The following ARPC3 variants were observed in gnomAD, a reference collection of about 807,000 sequenced individuals.
ARPC3 encodes the protein actin related protein 2/3 complex subunit 3, also known as actin-related protein 2/3 complex subunit 3.
In ARPC3, 12 loss-of-function variants were observed where a neutral mutation model predicts 27.6. The ratio of observed to expected loss-of-function variants is 0.43; its 90% confidence interval spans 0.28 to 0.70. The LOEUF is 0.70. Ranked by LOEUF, ARPC3 falls within the 30% of genes least tolerant of loss-of-function variation. ARPC3 has a pLI of 0.17. For missense variants in ARPC3, 153 were observed against 207.7 expected (o/e 0.74, Z 1.62); for synonymous variants, 53 against 67.2 (o/e 0.79, Z 1.03).
In ARPC3 at chr12:110,435,003, C is replaced by T; in HGVS notation, c.*152G>A. ...CCCTTGATAACCCACTTTCTTTTCTCCCACCCAAATTCTTGATCAAGAGTT... is the reference window on the plus strand; with the variant it reads ...CCCTTGATAACCCACTTTCTTTTCTTCCACCCAAATTCTTGATCAAGAGTT... On this transcript the variant is annotated 3_prime_UTR_variant, in exon 7 of 7. Coordinates refer to ENST00000228825, the MANE Select transcript of ARPC3 (RefSeq NM_001278556.2). The T allele has an allele frequency of 1.4e-6, 1 of 733,888 alleles. No homozygotes were observed. The highest frequency in any genetic ancestry group is 2.5e-6 in the Non-Finnish European group (1 of 401,580). 45.5% of individuals were successfully genotyped at this position (733,888 alleles called of 1,614,324 possible).
intron 1 of ARPC3, among the ~76,000 whole-genome samples, chr12:110,449,683 A>G (rs2062489084): frequency 6.6e-6 from 1 of 152,194 alleles, no homozygotes; most frequent in African/African-American, 2.4e-5. Context: ...TCAGAAATTA[A>G]GTACAACCAG....
At chr12:110,436,871 G>T in intron 4 of ARPC3, 188 bp from the exon 5 acceptor site, 1 of 662,130 alleles carries the variant, frequency 1.5e-6, no homozygotes, top group Non-Finnish European at 2.6e-6. Context: ...TATATTCAAA[G>T]CCTTAAAACA....
chr12:110,437,865 A>G (rs2062414732), intron 3 of ARPC3, among the ~76,000 whole-genome samples: 1 of 152,218 alleles, frequency 6.6e-6, no homozygotes, highest in South Asian at 2.1e-4. Flanking sequence ...ATTACTCTAA[A>G]GGAGGAAGCA....
chr12:110,440,237 C>T (rs988772729), intron 3 of ARPC3, 75 bp downstream of exon 3: 29 of 1,011,192 alleles, frequency 2.9e-5, no homozygotes, highest in South Asian at 1.3e-5. Context: ...TTTCTCCTCA[C>T]AGCAATCTGG....
chr12:110,437,823 C>A (rs1019255748), intron 3 of ARPC3, among the ~76,000 whole-genome samples: 48 of 152,254 alleles, frequency 3.2e-4, no homozygotes, highest in African/African-American at 1.2e-3. Flanking sequence ...AAACCCTTCC[C>A]TTCAGGGTCT....
chr12:110,443,869 G>A lies in ARPC3; in HGVS notation c.106+1583C>T, dbSNP rs759874395. On this transcript the variant is annotated intron_variant, in intron 2 of 6. Coordinates refer to ENST00000228825, the MANE Select transcript of ARPC3 (RefSeq NM_001278556.2). The stretch of plus-strand genomic sequence containing the variant: ...GATTCTGAAATTAGAAGAATACTTG[G>A]CACATAAAAGGCATTCTACAGATAT... 1.8e-4 allele frequency among the ~76,000 whole-genome samples: 27 copies of A among 152,172 alleles called. 1 individual carries two copies. The highest frequency in any genetic ancestry group is 3.4e-4 in the Non-Finnish European group (23 of 68,038).
At position 110,435,008 on chromosome 12, in the gene ARPC3, C is replaced by T. The variant is rs755862434; in HGVS notation, c.*147G>A. On this transcript the variant is annotated 3_prime_UTR_variant, in exon 7 of 7. Coordinates refer to ENST00000228825, the MANE Select transcript of ARPC3 (RefSeq NM_001278556.2). The stretch of plus-strand genomic sequence containing the variant: ...GATAACCCACTTTCTTTTCTCCCAC[C>T]CAAATTCTTGATCAAGAGTTTTTCA... The T allele has an allele frequency of 1.9e-5, 14 of 743,630 alleles. No homozygotes were observed. The Admixed American group carries it at 2.6e-4, about 14-fold the overall frequency. 46.1% of individuals were successfully genotyped at this position (743,630 alleles called of 1,614,324 possible). A position where few individuals can be genotyped will look rare whatever the true frequency, so the allele number is the denominator to read the frequency against.
Position 110,440,233 on chromosome 12 carries a change from C to T in ARPC3, c.183+79G>A. 6 of 968,786 alleles carry T rather than the reference C, an allele frequency of 6.2e-6. No individual in the cohort carries two copies. In the South Asian group the frequency reaches 6.7e-5, roughly 11 times the overall value. The allele number at this position is 968,786 out of a possible 1,614,324, so 60.0% of individuals were successfully genotyped here. A position where few individuals can be genotyped will look rare whatever the true frequency, so the allele number is the denominator to read the frequency against. On this transcript the variant is annotated intron_variant, in intron 3 of 6. Coordinates refer to ENST00000228825, the MANE Select transcript of ARPC3 (RefSeq NM_001278556.2). ...CATGCTGATTTCATTTTATTTTCTC[C>T]TCACAGCAATCTGGATAGCAAGGTT...
At chr12:110,439,874 A>G (rs1034595136) in intron 3 of ARPC3, among the ~76,000 whole-genome samples, 1 of 152,174 alleles carries the variant, frequency 6.6e-6, no homozygotes, top group Non-Finnish European at 1.5e-5. Context: ...GTGCTGCTTA[A>G]CTAATGTTGA....
Position 110,436,713 on chromosome 12 carries a change from C to CACACAT in ARPC3, c.253-31_253-30insATGTGT, listed in dbSNP as rs71297465. ...AAAAAAAAATATATATATATATATA[C>CACACAT]ACACACACACACACACACACACACA... is the stretch of plus-strand genomic sequence containing the variant. On this transcript the variant is annotated intron_variant, in intron 4 of 6. Transcript: ENST00000228825. The CACACAT allele has an allele frequency of 8.6e-3, 1,119 of 130,078 alleles. 38 individuals are homozygous for CACACAT. The highest frequency in any genetic ancestry group is 0.013 in the Non-Finnish European group (900 of 66,918). 8.1% of individuals were successfully genotyped at this position (130,078 alleles called of 1,614,324 possible). A position where few individuals can be genotyped will look rare whatever the true frequency, so the allele number is the denominator to read the frequency against.
rs187626573 is a variant in ARPC3 at position 110,437,266 on chromosome 12, C to T, written c.184-114G>A. 6 of 754,204 alleles carry T rather than the reference C, an allele frequency of 8.0e-6. No individual in the cohort carries two copies. The African/African-American group carries it at 8.6e-5, about 11-fold the overall frequency. The allele number at this position is 754,204 out of a possible 1,614,324, so 46.7% of individuals were successfully genotyped here. A position where few individuals can be genotyped will look rare whatever the true frequency, so the allele number is the denominator to read the frequency against. On this transcript the variant is annotated intron_variant, in intron 3 of 6. Coordinates refer to ENST00000228825, the MANE Select transcript of ARPC3 (RefSeq NM_001278556.2). ...TCTGCTGAATGCAGTGGTAGGACAG[C>T]CACTATCACATCAAAACTCCCATTC...
chr12:110,436,711 TACACACAC>T lies in ARPC3; in HGVS notation c.253-36_253-29del, dbSNP rs375877607. ...GGAAAAAAAAATATATATATATATA[TACACACAC>T]ACACACACACACACACACACACACA... On this transcript the variant is annotated intron_variant, in intron 4 of 6. Coordinates refer to ENST00000228825, the MANE Select transcript of ARPC3 (RefSeq NM_001278556.2). The T allele has an allele frequency of 7.4e-3, 2,811 of 381,350 alleles. 8 individuals are homozygous for T. The highest frequency in any genetic ancestry group is 9.0e-3 in the Admixed American group (200 of 22,114). The allele number at this position is 381,350 out of a possible 1,614,324, so 23.6% of individuals were successfully genotyped here. A position where few individuals can be genotyped will look rare whatever the true frequency, so the allele number is the denominator to read the frequency against.
intron 1 of ARPC3, among the ~76,000 whole-genome samples, chr12:110,448,845 GGCTCACTGC>G (rs1371093661): frequency 6.9e-6 from 1 of 144,160 alleles, no homozygotes; most frequent in Non-Finnish European, 1.5e-5. Context: ...GCACGGTCTC[GGCTCACTGC>G]AACCTCCGCC....
intron 5 of ARPC3, 100 bp downstream of exon 5, chr12:110,436,457 A>C (rs1347632177): frequency 1.9e-6 from 3 of 1,549,250 alleles, no homozygotes; most frequent in Non-Finnish European, 2.7e-6. Context: ...TTTCACTCTC[A>C]ATCTGTACAT....
At chr12:110,435,317 A>G in intron 6 of ARPC3, 100 bp from the exon 7 acceptor site, 1 of 914,294 alleles carries the variant, frequency 1.1e-6, no homozygotes, top group Non-Finnish European at 1.7e-6. Context: ...GGAATCTCTT[A>G]TAAACTTTTT....
At chr12:110,441,697 A>AT (rs2062438518) in intron 2 of ARPC3, among the ~76,000 whole-genome samples, 2 of 151,782 alleles carry the variant, frequency 1.3e-5, no homozygotes, top group Non-Finnish European at 2.9e-5. Context: ...GGCCTGGCTA[A>AT]TTTTTTTCTT....
intron 2 of ARPC3, among the ~76,000 whole-genome samples, chr12:110,442,369 A>G (rs1463359965): frequency 6.6e-6 from 1 of 152,172 alleles, no homozygotes; most frequent in African/African-American, 2.4e-5. Flanking sequence ...GCACTTTGGG[A>G]GGCTGAGGCG....
At chr12:110,447,765 CTG>C (rs1419350947) in intron 1 of ARPC3, among the ~76,000 whole-genome samples, 4 of 152,014 alleles carry the variant, frequency 2.6e-5, no homozygotes, top group Non-Finnish European at 5.9e-5. Context: ...CAGCAAGACT[CTG>C]TCTCAAAAAC....
In ARPC3 at chr12:110,435,119, C is replaced by T. The variant is rs2062395067; in HGVS notation, c.*36G>A. ...TGTACATCTTGCTGGAAAATGCTGC[C>T]CAGGGCTCTGGAGACGGTGGCTGCC... On this transcript the variant is annotated 3_prime_UTR_variant, in exon 7 of 7. Transcript: ENST00000228825. 7 of 1,568,516 alleles carry T rather than the reference C, an allele frequency of 4.5e-6. No individual in the cohort carries two copies. The South Asian group carries it at 7.8e-5, about 17-fold the overall frequency.
Sources: gnomAD v4.1 joint callset for allele counts (sites outside exome capture counted in the v4.1 genomes callset) on GRCh38, gnomAD v4.1.1 for gene constraint, MANE v1.5 for transcripts, NCBI Gene and HGNC (gene_info 2026-07-23, HGNC 2026-07-21) for gene names.